The following SORCS3 variants were observed in gnomAD, a reference collection of about 807,000 sequenced individuals.
SORCS3 encodes the protein VPS10 domain-containing receptor SorCS3.
A neutral mutation model predicts 146.3 loss-of-function variants in SORCS3; 57 were observed. The observed-to-expected ratio is 0.39, with a 90% CI of 0.31 to 0.49. SORCS3 has a LOEUF of 0.49. Ranked by LOEUF, SORCS3 falls within the 20% of genes least tolerant of loss-of-function variation. SORCS3 has a pLI of 0.92. For missense variants in SORCS3, 1,341 were observed against 1,575.5 expected (o/e 0.85, Z 2.52); for synonymous variants, 653 against 618.5 (o/e 1.06, Z -0.83).
At chr10:104,846,607 A>G (rs1205846789) in intron 2 of SORCS3, among the ~76,000 whole-genome samples, 1 of 152,232 alleles carries the variant, frequency 6.6e-6, no homozygotes, top group Non-Finnish European at 1.5e-5. Flanking sequence ...CTAAATAGAC[A>G]AAAGATTGTT....
chr10:104,797,420 G>A (rs889706926), intron 1 of SORCS3, among the ~76,000 whole-genome samples: 12 of 152,032 alleles, frequency 7.9e-5, no homozygotes, highest in Non-Finnish European at 2.9e-5. Flanking sequence ...TTGGTTTGAT[G>A]AAGCCAAGCT....
intron 3 of SORCS3, among the ~76,000 whole-genome samples, chr10:104,916,342 C>T (rs1377406724): frequency 1.3e-5 from 2 of 152,148 alleles, no homozygotes; most frequent in Non-Finnish European, 2.9e-5. Flanking sequence ...CTTTCCACAG[C>T]CTTCCTCTTG....
chr10:104,741,775 G>T (rs2016848350), intron 1 of SORCS3, among the ~76,000 whole-genome samples: 1 of 37,538 alleles, frequency 2.7e-5, no homozygotes, highest in Non-Finnish European at 5.1e-5. Context: ...TTATTTTTCA[G>T]TTCTAAAATT....
chr10:105,075,434 T>A (rs1329385515), intron 5 of SORCS3, among the ~76,000 whole-genome samples: 1 of 152,120 alleles, frequency 6.6e-6, no homozygotes, highest in Non-Finnish European at 1.5e-5. Context: ...TCCCAGCAGC[T>A]CCTTCATCTG....
chr10:105,115,027 A>G (rs538504496), intron 7 of SORCS3, among the ~76,000 whole-genome samples: 1 of 152,214 alleles, frequency 6.6e-6, no homozygotes, highest in Middle Eastern at 3.4e-3. Flanking sequence ...CAATTAACAG[A>G]TACTTGTTGA....
intron 4 of SORCS3, among the ~76,000 whole-genome samples, chr10:105,003,366 G>A (rs2055072976): frequency 6.6e-6 from 1 of 152,112 alleles, no homozygotes; most frequent in Non-Finnish European, 1.5e-5. Context: ...CTTAGTGGGA[G>A]ACACAGCCCT....
At chr10:104,783,721 C>T (rs1023170714) in intron 1 of SORCS3, among the ~76,000 whole-genome samples, 17 of 151,738 alleles carry the variant, frequency 1.1e-4, no homozygotes, top group Admixed American at 2.0e-4. Flanking sequence ...TGCGAGACTC[C>T]GTCTCAAAAA....
chr10:104,858,938 T>TAAAAAAAA (rs3976791), intron 2 of SORCS3, among the ~76,000 whole-genome samples: 5 of 138,544 alleles, frequency 3.6e-5, no homozygotes, highest in East Asian at 2.1e-4. Flanking sequence ...TGTACATTTA[T>TAAAAAAAA]AAAAAAAAAA....
Position 105,250,527 on chromosome 10 carries a change from T to C in SORCS3, c.3106-2248T>C, listed in dbSNP as rs192312932. ...TGTATACACTGCTCCAAGGTCTCTG[T>C]AAGGGCCTTGGTGGACTGACACTCC... On this transcript the variant is annotated intron_variant, in intron 22 of 26. Coordinates refer to ENST00000369701, the MANE Select transcript of SORCS3 (RefSeq NM_014978.3). Among the ~76,000 whole-genome samples the C allele has an allele frequency of 1.9e-3, 289 of 152,258 alleles. 1 individual carries two copies. The highest frequency in any genetic ancestry group is 6.6e-3 in the African/African-American group (274 of 41,544).
At chr10:104,884,746 T>C (rs2018664774) in intron 2 of SORCS3, among the ~76,000 whole-genome samples, 1 of 152,090 alleles carries the variant, frequency 6.6e-6, no homozygotes. Flanking sequence ...AAGACATTTC[T>C]AAAATAGTTT....
chr10:104,811,937 A>G (rs907471376), intron 1 of SORCS3, among the ~76,000 whole-genome samples: 1 of 152,218 alleles, frequency 6.6e-6, no homozygotes, highest in Non-Finnish European at 1.5e-5. Context: ...CTGCTTGACT[A>G]TTATGCAATC....
At chr10:104,713,798 C>A (rs978729554) in intron 1 of SORCS3, among the ~76,000 whole-genome samples, 4 of 152,092 alleles carry the variant, frequency 2.6e-5, no homozygotes, top group African/African-American at 7.2e-5. Flanking sequence ...TTATAGAATG[C>A]TTCTGTTTTC....
At chr10:104,924,149 ACT>A (rs1457317888) in intron 3 of SORCS3, among the ~76,000 whole-genome samples, 1 of 152,012 alleles carries the variant, frequency 6.6e-6, no homozygotes, top group Non-Finnish European at 1.5e-5. Context: ...TAATTCTTAG[ACT>A]CACTGCATAT....
intron 1 of SORCS3, among the ~76,000 whole-genome samples, chr10:104,794,331 C>T (rs1410170456): frequency 6.6e-6 from 1 of 152,096 alleles, no homozygotes; most frequent in African/African-American, 2.4e-5. Context: ...GCCTGTTTTC[C>T]TTCAAGAGTT....
rs1296434680 is a variant in SORCS3, at chr10:104,641,703, G to C, written c.376G>C (p.Gly126Arg). The C allele has an allele frequency of 2.6e-6, 4 of 1,537,956 alleles. No individual in the cohort carries two copies. Among genetic ancestry groups the C allele is most frequent in the South Asian group, 1.2e-5 (1 of 83,212 alleles). ...GRGIPAPAKLGGARRSRRAQP... is the reference protein window; with the variant it reads ...GRGIPAPAKLRGARRSRRAQP... ...GGGCATCCCAGCTCCTGCCAAGCTTGGCGGCGCGAGGAGGAGTCGCCGGGC... is the reference window on the plus strand; with the variant it reads ...GGGCATCCCAGCTCCTGCCAAGCTTCGCGGCGCGAGGAGGAGTCGCCGGGC... The change falls in exon 1 of 27, where the codon GGC becomes CGC. Residue 126 changes from glycine to arginine, a missense_variant. Gly to Arg is a moderately radical substitution (Grantham distance 125). Transcript: ENST00000369701. This position sits in a 1 kb window ranked among gnomAD's most constrained non-coding sequence, Gnocchi z 6.4.
At chr10:104,644,614 A>G (rs1483695203) in intron 1 of SORCS3, among the ~76,000 whole-genome samples, 2 of 152,224 alleles carry the variant, frequency 1.3e-5, no homozygotes, top group Admixed American at 1.3e-4. Flanking sequence ...CATTGGTTTC[A>G]AAGTGGAGGG....
intron 1 of SORCS3, among the ~76,000 whole-genome samples, chr10:104,732,875 C>G (rs1011170010): frequency 1.3e-5 from 2 of 152,086 alleles, no homozygotes; most frequent in African/African-American, 4.8e-5. Flanking sequence ...GTGGGGGTAG[C>G]TGGACCCATG....
At chr10:104,917,879 C>T (rs1405485136) in intron 3 of SORCS3, among the ~76,000 whole-genome samples, 1 of 152,118 alleles carries the variant, frequency 6.6e-6, no homozygotes, top group East Asian at 1.9e-4. Flanking sequence ...TTCATTCATC[C>T]ATTGATAGAC....
At chr10:104,649,959 A>G (rs148155565) in intron 1 of SORCS3, among the ~76,000 whole-genome samples, 84 of 152,296 alleles carry the variant, frequency 5.5e-4, no homozygotes, top group Admixed American at 1.5e-3. Context: ...ACATTGGAGA[A>G]CACTGGGTTG....
Sources: gnomAD v4.1 joint callset for allele counts (sites outside exome capture counted in the v4.1 genomes callset) on GRCh38, gnomAD v4.1.1 for gene constraint, Gnocchi (gnomAD v3.1) non-coding constraint, MANE v1.5 for transcripts, NCBI Gene and HGNC (gene_info 2026-07-23, HGNC 2026-07-21) for gene names.